C19orf12: variants seen among roughly 807,000 people sequenced by gnomAD.
The protein encoded by C19orf12 is protein C19orf12.
In C19orf12, 2 loss-of-function variants were observed where a neutral mutation model predicts 3.8. The ratio of observed to expected loss-of-function variants is 0.53; its 90% confidence interval spans 0.22 to 1.66. The LOEUF is 1.66. Ranked by LOEUF, C19orf12 falls within the 40% of genes most tolerant of loss-of-function variation. C19orf12 has a pLI of 0.20. For synonymous variants in C19orf12, 89 were observed against 84.6 expected, an observed-to-expected ratio of 1.05 and a Z score of -0.28; for missense variants, 156 against 188.8, an observed-to-expected ratio of 0.83 and a Z score of 1.02.
In C19orf12 at chr19:29,715,206, C is replaced by A; in HGVS notation, c.-92G>T. The A allele has an allele frequency of 4.3e-6, 2 of 463,630 alleles. No individual in the cohort carries two copies. The highest frequency in any genetic ancestry group is 5.4e-5 in the East Asian group (1 of 18,480). The allele number at this position is 463,630 out of a possible 1,614,324, so 28.7% of individuals were successfully genotyped here. ...GGCCTGGCAGGCCCCGGGCTCCCCGCCCAGCTCCCCAGCCCCGCGGAGGGT... is the reference window on the plus strand; with the variant it reads ...GGCCTGGCAGGCCCCGGGCTCCCCGACCAGCTCCCCAGCCCCGCGGAGGGT... On this transcript the variant is annotated 5_prime_UTR_variant, in exon 1 of 3. Coordinates refer to ENST00000323670, the MANE Select transcript of C19orf12 (RefSeq NM_031448.6).
In C19orf12 at chr19:29,715,140, T is replaced by C. The variant is rs1167506957; in HGVS notation, c.-26A>G. On this transcript the variant is annotated 5_prime_UTR_variant, in exon 1 of 3. Transcript: ENST00000323670. ...GCTCCTTTACCTGGGGGAGCGGAGG[T>C]CTACGCGGCGCGCTCGGCGATCAGA... 4.3e-5 allele frequency: 25 copies of C among 577,868 alleles called. No individual in the cohort carries two copies. The highest frequency in any genetic ancestry group is 6.7e-5 in the Non-Finnish European group (22 of 326,970). 35.8% of individuals were successfully genotyped at this position (577,868 alleles called of 1,614,324 possible).
At chr19:29,708,159 A>G (rs1418095026) in intron 2 of C19orf12, 95 bp downstream of exon 2, 34 of 1,554,250 alleles carry the variant, frequency 2.2e-5, no homozygotes, top group Non-Finnish European at 3.0e-5. Context: ...GATTACAGGC[A>G]TGAGCCACAC....
chr19:29,701,561 C>T lies in C19orf12; in HGVS notation c.*1151G>A. On this transcript the variant is annotated 3_prime_UTR_variant, in exon 3 of 3. Coordinates refer to ENST00000323670, the MANE Select transcript of C19orf12 (RefSeq NM_031448.6). ...TGGTTGGATCTAAATGTGGAGACCA[C>T]AGTTACGGAGAGCTGACTGTACTGG... The T allele has an allele frequency of 2.2e-6, 1 of 454,080 alleles. No individual in the cohort carries two copies. The highest frequency in any genetic ancestry group is 4.4e-6 in the Non-Finnish European group (1 of 226,796). 28.1% of individuals were successfully genotyped at this position (454,080 alleles called of 1,614,324 possible).
At chr19:29,705,165 A>C (rs572316507) in intron 2 of C19orf12, 1 of 218,212 alleles carries the variant, frequency 4.6e-6, no homozygotes, top group African/African-American at 2.3e-5. Flanking sequence ...ATGCAAGACA[A>C]GGGAGAGGGG....
Position 29,708,824 on chromosome 19 carries a change from G to A in C19orf12, c.-10-401C>T, listed in dbSNP as rs565366527. ...AGCCCAGCAGAGAACGGGAAGTCCC[G>A]GCGTGAGGCATCTGAGCTGAGGCCA... is the stretch of plus-strand genomic sequence containing the variant. On this transcript the variant is annotated intron_variant, in intron 1 of 2. Coordinates refer to ENST00000323670, the MANE Select transcript of C19orf12 (RefSeq NM_031448.6). 5.9e-5 allele frequency among the ~76,000 whole-genome samples: 9 copies of A among 152,352 alleles called. No individual in the cohort carries two copies. In the South Asian group the frequency reaches 1.0e-3, roughly 18 times the overall value.
rs1972492460 is a variant in C19orf12, at chr19:29,708,378, C to T, written c.36G>A (p.Leu12=). ...TIMVEDIMKL[L]CSLSGERKMK... ...TCTTCCTCTCCCCAGAAAGGGAGCA[C>T]AGCAGCTTCATGATGTCCTCCACCA... is the stretch of plus-strand genomic sequence containing the variant. Residue 12 remains leucine (L), a synonymous_variant, in exon 2 of 3, where the codon CTG becomes CTA. Coordinates refer to ENST00000323670, the MANE Select transcript of C19orf12 (RefSeq NM_031448.6). The T allele has an allele frequency of 1.2e-6, 2 of 1,614,058 alleles. No individual in the cohort carries two copies. The highest frequency in any genetic ancestry group is 1.7e-6 in the Non-Finnish European group (2 of 1,180,044).
At chr19:29,712,510 C>A (rs180906075) in intron 1 of C19orf12, among the ~76,000 whole-genome samples, 218 of 152,300 alleles carry the variant, frequency 1.4e-3, no homozygotes, top group Admixed American at 2.3e-3. Context: ...TCTTCCCCCC[C>A]ACCACCCAAC....
chr19:29,715,007 G>C (rs1168922679), intron 1 of C19orf12, 118 bp downstream of exon 1: 1 of 709,964 alleles, frequency 1.4e-6, no homozygotes, highest in Non-Finnish European at 2.6e-6. Context: ...CTCCCGGCAG[G>C]GCGGGGACCC....
chr19:29,701,088 G>C lies in C19orf12; in HGVS notation c.*1624C>G, dbSNP rs1260584922. 2.2e-6 allele frequency: 1 copy of C among 453,954 alleles called. No homozygotes were observed. Among genetic ancestry groups the C allele is most frequent in the Non-Finnish European group, 4.4e-6 (1 of 226,804 alleles). 28.1% of individuals were successfully genotyped at this position (453,954 alleles called of 1,614,324 possible). ...TGCATTCTTTAAAGCCACAAATCTGGTACCTTCCCTCTTGTTCCATTTGTA... is the reference window on the plus strand; with the variant it reads ...TGCATTCTTTAAAGCCACAAATCTGCTACCTTCCCTCTTGTTCCATTTGTA... On this transcript the variant is annotated 3_prime_UTR_variant, in exon 3 of 3. Transcript: ENST00000323670.
intron 1 of C19orf12, among the ~76,000 whole-genome samples, chr19:29,713,326 C>T: frequency 6.6e-6 from 1 of 152,118 alleles, no homozygotes; most frequent in East Asian, 1.9e-4. Context: ...TCACAGGAAG[C>T]CCATCTGCCA....
intron 1 of C19orf12, among the ~76,000 whole-genome samples, chr19:29,710,411 T>C (rs1972607313): frequency 6.6e-6 from 1 of 152,128 alleles, no homozygotes; most frequent in Admixed American, 6.5e-5. Flanking sequence ...TCTCCACAAG[T>C]GCACGGGAAT....
At chr19:29,708,502 G>GTTTTAAGGAAGGGTCCCCC in intron 1 of C19orf12, 79 bp from the exon 2 acceptor site, 1 of 1,574,902 alleles carries the variant, frequency 6.3e-7, no homozygotes, top group Non-Finnish European at 8.6e-7. Context: ...AGTTCCTAGA[G>GTTTTAAGGAAGGGTCCCCC]TTTTAAGGAA....
At chr19:29,712,856 G>C (rs1972757039) in intron 1 of C19orf12, among the ~76,000 whole-genome samples, 1 of 152,214 alleles carries the variant, frequency 6.6e-6, no homozygotes, top group East Asian at 1.9e-4. Context: ...AATGAGGCAG[G>C]TTTCACTGAG....
chr19:29,703,914 C>T (rs769663984), intron 2 of C19orf12, among the ~76,000 whole-genome samples: 123 of 152,022 alleles, frequency 8.1e-4, no homozygotes, highest in Admixed American at 1.4e-3. Context: ...CACTTGAACC[C>T]GGGAAGTAGA....
chr19:29,708,683 C>A lies in C19orf12; in HGVS notation c.-10-260G>T, dbSNP rs1173074114. Reference sequence around the variant, plus strand: ...TGCCCTCTGATTAACTTCTGACTTACGACAGATTAAGGAGCAACCCGGCCA... The same window carrying A: ...TGCCCTCTGATTAACTTCTGACTTAAGACAGATTAAGGAGCAACCCGGCCA... On this transcript the variant is annotated intron_variant, in intron 1 of 2. Transcript: ENST00000323670. 15 of 526,586 alleles carry A rather than the reference C, an allele frequency of 2.8e-5. No homozygotes were observed. In the East Asian group the frequency reaches 4.3e-4, roughly 15 times the overall value. The allele number at this position is 526,586 out of a possible 1,614,324, so 32.6% of individuals were successfully genotyped here. A position where few individuals can be genotyped will look rare whatever the true frequency, so the allele number is the denominator to read the frequency against.
Position 29,702,528 on chromosome 19 carries a change from A to T in C19orf12, c.*184T>A. On this transcript the variant is annotated 3_prime_UTR_variant, in exon 3 of 3. Transcript: ENST00000323670. ...ACATGCCACCAACACATGCTGCTTCATCAGTAATTTCTGGAACATGACACT... is the reference window on the plus strand; with the variant it reads ...ACATGCCACCAACACATGCTGCTTCTTCAGTAATTTCTGGAACATGACACT... 1 of 828,410 alleles carries T rather than the reference A, an allele frequency of 1.2e-6. No homozygotes were observed. The highest frequency in any genetic ancestry group is 2.0e-6 in the Non-Finnish European group (1 of 496,348). The allele number at this position is 828,410 out of a possible 1,614,324, so 51.3% of individuals were successfully genotyped here.
intron 2 of C19orf12, among the ~76,000 whole-genome samples, chr19:29,706,104 G>T (rs1436531118): frequency 6.6e-6 from 1 of 152,198 alleles, no homozygotes; most frequent in African/African-American, 2.4e-5. Context: ...GCTGGGGCCA[G>T]CCCCATATCC....
Position 29,702,704 on chromosome 19 carries a change from G to A in C19orf12, c.*8C>T, listed in dbSNP as rs1972162509. ...TAAAGGGGCCCCCCACCTCCCCGGAGGTGCGGCCTAGTCATCATACTGGAT... is the reference window on the plus strand; with the variant it reads ...TAAAGGGGCCCCCCACCTCCCCGGAAGTGCGGCCTAGTCATCATACTGGAT... On this transcript the variant is annotated 3_prime_UTR_variant, in exon 3 of 3. Transcript: ENST00000323670. 1.2e-6 allele frequency: 2 copies of A among 1,613,186 alleles called. No homozygotes were observed. Among genetic ancestry groups the A allele is most frequent in the African/African-American group, 2.7e-5 (2 of 74,890 alleles).
chr19:29,709,592 T>C lies in C19orf12; in HGVS notation c.-10-1169A>G, dbSNP rs1350814277. Among the ~76,000 whole-genome samples, 37 of 150,882 alleles carry C rather than the reference T, an allele frequency of 2.5e-4. No individual in the cohort carries two copies. The Admixed American group carries it at 2.5e-3, about 10-fold the overall frequency. On this transcript the variant is annotated intron_variant, in intron 1 of 2. Transcript: ENST00000323670. ...TTGCCCAGGCTGGAGTGCAGTGGCA[T>C]GATCACAACTCACTGCAGCCTTGAC...
Sources: allele counts gnomAD v4.1 joint callset (sites outside exome capture counted in the v4.1 genomes callset), GRCh38; gene constraint gnomAD v4.1.1; transcripts MANE v1.5; gene names NCBI Gene and HGNC (gene_info 2026-07-23, HGNC 2026-07-21).